Variants in MED7 observed in about 807,000 individuals in gnomAD.
MED7 encodes mediator of RNA polymerase II transcription subunit 7.
In MED7, 7 loss-of-function variants were observed where a neutral mutation model predicts 16.6. The observed-to-expected ratio is 0.42, with a 90% confidence interval of 0.24 to 0.79. The LOEUF (loss-of-function observed/expected upper bound fraction) is 0.79. MED7 is among the 30% of genes least tolerant of loss of function. MED7 has a pLI of 0.27. For synonymous variants in MED7, 88 were observed against 90.5 expected (o/e 0.97, Z 0.16); for missense variants, 240 against 286.3 (o/e 0.84, Z 1.17).
chr5:157,140,400 T>C (rs974517793), intron 1 of MED7, among the ~76,000 whole-genome samples: 1 of 152,196 alleles, frequency 6.6e-6, no homozygotes, highest in Non-Finnish European at 1.5e-5. Context: ...TAATAACCTC[T>C]ACTTATTCTA....
chr5:157,138,649 C>A lies in MED7; in HGVS notation c.*81G>T. 8.1e-7 allele frequency: 1 copy of A among 1,241,362 alleles called. No homozygotes were observed. The highest frequency in any genetic ancestry group is 1.1e-6 in the Non-Finnish European group (1 of 903,576). 76.9% of individuals were successfully genotyped at this position (1,241,362 alleles called of 1,614,324 possible). A position where few individuals can be genotyped will look rare whatever the true frequency, so the allele number is the denominator to read the frequency against. ...AAAGCTGTTTACATTTTTAGTGAAA[C>A]TTCTCTTAAGACTGTCCAAAAGAAA... On this transcript the variant is annotated 3_prime_UTR_variant, in exon 2 of 2. Coordinates refer to ENST00000286317, the MANE Select transcript of MED7 (RefSeq NM_004270.5).
rs1274147159 is a variant in MED7 at position 157,138,661 on chromosome 5, C to A, written c.*69G>T. On this transcript the variant is annotated 3_prime_UTR_variant, in exon 2 of 2. Coordinates refer to ENST00000286317, the MANE Select transcript of MED7 (RefSeq NM_004270.5). ...ATTTTTAGTGAAACTTCTCTTAAGA[C>A]TGTCCAAAAGAAAATGAACTAATAT... is the stretch of plus-strand genomic sequence containing the variant. The A allele has an allele frequency of 7.6e-7, 1 of 1,321,260 alleles. No homozygotes were observed. Among genetic ancestry groups the A allele is most frequent in the African/African-American group, 1.5e-5 (1 of 67,856 alleles). 81.8% of individuals were successfully genotyped at this position (1,321,260 alleles called of 1,614,324 possible).
intron 1 of MED7, among the ~76,000 whole-genome samples, chr5:157,141,701 G>A (rs554224068): frequency 1.5e-4 from 23 of 152,116 alleles, no homozygotes; most frequent in African/African-American, 5.3e-4. Flanking sequence ...GGATTCTCCT[G>A]CCTGAGCCTC....
Position 157,138,701 on chromosome 5 carries a change from A to C in MED7, c.*29T>G, listed in dbSNP as rs1354172244. 2.0e-6 allele frequency: 3 copies of C among 1,526,586 alleles called. No individual in the cohort carries two copies. Among genetic ancestry groups the C allele is most frequent in the Non-Finnish European group, 2.6e-6 (3 of 1,133,890 alleles). The allele number at this position is 1,526,586 out of a possible 1,614,324, so 94.6% of individuals were successfully genotyped here. Reference sequence around the variant, plus strand: ...TGAACTAATATATGATGCTATTATCAAAAGGAAAAAAAGAAAAAGAAACAT... The same window carrying C: ...TGAACTAATATATGATGCTATTATCCAAAGGAAAAAAAGAAAAAGAAACAT... On this transcript the variant is annotated 3_prime_UTR_variant, in exon 2 of 2. Transcript: ENST00000286317.
rs1043894 is a variant in MED7 at position 157,138,705 on chromosome 5, G to T, written c.*25C>A. 3 of 1,534,988 alleles carry T rather than the reference G, an allele frequency of 2.0e-6. No individual in the cohort carries two copies. The highest frequency in any genetic ancestry group is 2.6e-6 in the Non-Finnish European group (3 of 1,139,678). On this transcript the variant is annotated 3_prime_UTR_variant, in exon 2 of 2. Transcript: ENST00000286317. Reference sequence around the variant, plus strand: ...CTAATATATGATGCTATTATCAAAAGGAAAAAAAGAAAAAGAAACATCTTT... The same window carrying T: ...CTAATATATGATGCTATTATCAAAATGAAAAAAAGAAAAAGAAACATCTTT...
Position 157,138,624 on chromosome 5 carries a change from A to G in MED7, c.*106T>C, listed in dbSNP as rs1757673488. On this transcript the variant is annotated 3_prime_UTR_variant, in exon 2 of 2. Coordinates refer to ENST00000286317, the MANE Select transcript of MED7 (RefSeq NM_004270.5). ...AATTGAAAAATTTGGAGTCAAGATT[A>G]AAGCTGTTTACATTTTTAGTGAAAC... 1.0e-6 allele frequency: 1 copy of G among 991,128 alleles called. No homozygotes were observed. The highest frequency in any genetic ancestry group is 1.6e-5 in the African/African-American group (1 of 61,554). The allele number at this position is 991,128 out of a possible 1,614,324, so 61.4% of individuals were successfully genotyped here.
chr5:157,139,311 T>A lies in MED7; in HGVS notation c.121A>T (p.Ser41Cys). 6.2e-7 allele frequency: 1 copy of A among 1,614,110 alleles called. No homozygotes were observed. The highest frequency in any genetic ancestry group is 8.5e-7 in the Non-Finnish European group (1 of 1,180,010). The change falls in exon 2 of 2, where the codon AGT becomes TGT. Residue 41 changes from serine to cysteine, a missense_variant. Transcript: ENST00000286317. The part of the protein sequence containing the change: ...APKPPPPIKD[S>C]YMMFGNQFQC... Reference sequence around the variant, plus strand: ...AACTGATTGCCAAACATCATGTAACTGTCTTTTATTGGAGGGGGAGGCTTG... The same window carrying A: ...AACTGATTGCCAAACATCATGTAACAGTCTTTTATTGGAGGGGGAGGCTTG...
In MED7 at chr5:157,139,033, CT is replaced by C. The variant is rs1239032176; in HGVS notation, c.398del (p.Glu133GlyfsTer3). ...GGACCTCCATCATGACTCTCAAGGT[CT>C]CTCTTGCTTGGTGGGGTCGGTATTC... is the stretch of plus-strand genomic sequence containing the variant. ...INEYRPHQAR[E>X]TLRVMMEVQK... On this transcript the variant is annotated frameshift_variant, in exon 2 of 2. Transcript: ENST00000286317. LOFTEE classifies it high-confidence loss of function. 4 of 1,614,014 alleles carry C rather than the reference CT, an allele frequency of 2.5e-6. No individual in the cohort carries two copies. Among genetic ancestry groups the C allele is most frequent in the Non-Finnish European group, 3.4e-6 (4 of 1,180,032 alleles).
At chr5:157,139,502 T>G (rs1278888906) in intron 1 of MED7, 54 bp from the exon 2 acceptor site, 5 of 1,046,968 alleles carry the variant, frequency 4.8e-6, no homozygotes, top group Non-Finnish European at 6.7e-6. Flanking sequence ...CTGTTACATT[T>G]CATAACTACA....
At position 157,138,918 on chromosome 5, in the gene MED7, G is replaced by A. The variant is rs1581777265; in HGVS notation, c.514C>T (p.Pro172Ser). The change falls in exon 2 of 2, where the codon CCT becomes TCT. Residue 172 changes from proline to serine, a missense_variant. Physicochemically the swap from Pro to Ser is moderately conservative, Grantham distance 74. Coordinates refer to ENST00000286317, the MANE Select transcript of MED7 (RefSeq NM_004270.5). Reference protein sequence around the residue: ...EMIQNCLASLPDDLPHSEAGM... With the variant: ...EMIQNCLASLSDDLPHSEAGM... ...GCTTCTGAATGAGGCAAATCATCAG[G>A]CAAAGAAGCCAAGCAATTCTGAATC... The A allele has an allele frequency of 3.7e-6, 6 of 1,614,106 alleles. No individual in the cohort carries two copies. Among genetic ancestry groups the A allele is most frequent in the Non-Finnish European group, 4.2e-6 (5 of 1,180,036 alleles).
intron 1 of MED7, chr5:157,142,523 C>A (rs1175627536): frequency 2.0e-5 from 3 of 152,362 alleles, no homozygotes; most frequent in Non-Finnish European, 4.4e-5. Flanking sequence ...AACAGCGGCG[C>A]GGGGACTAGA....
rs1462931298 is a variant in MED7, at chr5:157,139,777, A to G, written c.-17-329T>C. Among the ~76,000 whole-genome samples the G allele has an allele frequency of 8.3e-5, 12 of 143,902 alleles. 1 individual carries two copies. The highest frequency in any genetic ancestry group is 3.0e-4 in the African/African-American group (12 of 40,038). 94.4% of individuals were successfully genotyped at this position (143,902 alleles called of 152,430 possible). ...TTATGCCCCATTTCTTTACTCTTCC[A>G]TAACCAAACTACACAGGCTGTCTCC... On this transcript the variant is annotated intron_variant, in intron 1 of 1. Coordinates refer to ENST00000286317, the MANE Select transcript of MED7 (RefSeq NM_004270.5).
chr5:157,137,487 A>G lies in MED7; in HGVS notation c.*1243T>C, dbSNP rs1757652971. ...TTTATTTCTAGTAAGTCCCCAAGTG[A>G]TACCAATGCTGCTGGTCCAGGACCA... On this transcript the variant is annotated 3_prime_UTR_variant, in exon 2 of 2. Transcript: ENST00000286317. 6.6e-6 allele frequency: 1 copy of G among 152,212 alleles called. No individual in the cohort carries two copies. Among genetic ancestry groups the G allele is most frequent in the Admixed American group, 6.5e-5 (1 of 15,274 alleles). 9.4% of individuals were successfully genotyped at this position (152,212 alleles called of 1,614,324 possible). A position where few individuals can be genotyped will look rare whatever the true frequency, so the allele number is the denominator to read the frequency against.
chr5:157,139,889 G>C (rs1304171861), intron 1 of MED7, among the ~76,000 whole-genome samples: 1 of 152,048 alleles, frequency 6.6e-6, no homozygotes, highest in Non-Finnish European at 1.5e-5. Context: ...TAAACACTCT[G>C]ACAAAATTAA....
chr5:157,141,986 G>A (rs1372722215), intron 1 of MED7, among the ~76,000 whole-genome samples: 1 of 152,178 alleles, frequency 6.6e-6, no homozygotes, highest in African/African-American at 2.4e-5. Context: ...TTAATAAATG[G>A]CACAACAGGA....
chr5:157,137,806 G>A lies in MED7; in HGVS notation c.*924C>T, dbSNP rs957246747. ...AACCAGCAGCTGGGAGAAGAGAATGGAGGATCATGCAAGAAATGTTTATGG... is the reference window on the plus strand; with the variant it reads ...AACCAGCAGCTGGGAGAAGAGAATGAAGGATCATGCAAGAAATGTTTATGG... On this transcript the variant is annotated 3_prime_UTR_variant, in exon 2 of 2. Transcript: ENST00000286317. The A allele has an allele frequency of 1.3e-5, 2 of 152,238 alleles. No homozygotes were observed. The highest frequency in any genetic ancestry group is 2.9e-5 in the Non-Finnish European group (2 of 68,082). 9.4% of individuals were successfully genotyped at this position (152,238 alleles called of 1,614,324 possible).
intron 1 of MED7, chr5:157,142,399 A>C (rs1757739949): frequency 6.6e-6 from 1 of 152,102 alleles, no homozygotes; most frequent in Non-Finnish European, 1.5e-5. Flanking sequence ...CTGCCCCCAT[A>C]CCTCAGCTGT....
chr5:157,140,214 T>C (rs566760255), intron 1 of MED7, among the ~76,000 whole-genome samples: 3 of 152,306 alleles, frequency 2.0e-5, no homozygotes, highest in Admixed American at 6.5e-5. Flanking sequence ...GATTTTGCCA[T>C]GTTGGCCAGG....
chr5:157,140,141 A>T (rs1471751300), intron 1 of MED7, among the ~76,000 whole-genome samples: 3 of 152,008 alleles, frequency 2.0e-5, no homozygotes, highest in Non-Finnish European at 2.9e-5. Context: ...TCAGCCTCCT[A>T]AGTAGATGGG....
Sources: allele counts gnomAD v4.1 joint callset (sites outside exome capture counted in the v4.1 genomes callset), GRCh38; gene constraint gnomAD v4.1.1; transcripts MANE v1.5; gene names NCBI Gene and HGNC (gene_info 2026-07-23, HGNC 2026-07-21).